Variants in LINGO2 observed in about 807,000 individuals in gnomAD.
LINGO2 encodes the protein leucine rich repeat and Ig domain containing 2.
Under a neutral mutation model 30.6 loss-of-function variants are expected in LINGO2, and 14 were observed. That is an observed-to-expected ratio of 0.46 (90% CI 0.30 to 0.72). LINGO2 has a LOEUF of 0.72. Among genes scored for constraint, LINGO2 ranks in the 30% least tolerant of loss-of-function variants. LINGO2 has a pLI of 0.07. For missense variants in LINGO2, 729 were observed against 751.7 expected, an observed-to-expected ratio of 0.97 and a Z score of 0.35; for synonymous variants, 317 against 288.5, an observed-to-expected ratio of 1.10 and a Z score of -1.00.
chr9:29,204,524 T>G, the LINGO2 span, among the ~76,000 whole-genome samples: 1 of 152,166 alleles, frequency 6.6e-6, no homozygotes, highest in African/African-American at 2.4e-5. Context: ...AATAAACACC[T>G]GAAGAATTAA....
chr9:28,491,458 A>T (rs1826391887), intron 1 of LINGO2, among the ~76,000 whole-genome samples: 1 of 152,216 alleles, frequency 6.6e-6, no homozygotes, highest in Admixed American at 6.5e-5. Context: ...GTTACCAAAT[A>T]GAGTAACATT....
chr9:27,977,891 A>C (rs1820679276), intron 5 of LINGO2, among the ~76,000 whole-genome samples: 1 of 152,020 alleles, frequency 6.6e-6, no homozygotes, highest in African/African-American at 2.4e-5. Context: ...ATATTAAACA[A>C]AGTGGTGAGG....
intron 2 of LINGO2, among the ~76,000 whole-genome samples, chr9:28,467,284 C>T (rs954866504): frequency 6.6e-6 from 1 of 152,080 alleles, no homozygotes; most frequent in African/African-American, 2.4e-5. Context: ...TCCTCGGCCT[C>T]CCAAAGTGCT....
intron 4 of LINGO2, among the ~76,000 whole-genome samples, chr9:28,117,257 A>AGTCT (rs1360591865): frequency 1.3e-5 from 2 of 151,684 alleles, no homozygotes; most frequent in Non-Finnish European, 2.9e-5. Context: ...TTGAGGAGGC[A>AGTCT]GTCTGCCCGT....
At chr9:28,834,491 G>A in the LINGO2 span, among the ~76,000 whole-genome samples, 30 of 152,016 alleles carry the variant, frequency 2.0e-4, no homozygotes, top group African/African-American at 7.3e-4. Context: ...AACTGACTTC[G>A]TGTTTGTAAA....
At chr9:28,764,191 G>T in the LINGO2 span, among the ~76,000 whole-genome samples, 1 of 151,012 alleles carries the variant, frequency 6.6e-6, no homozygotes, top group African/African-American at 2.4e-5. Context: ...GCATAATTCT[G>T]ATATCAAAGC....
chr9:28,018,704 G>T (rs998802008), intron 4 of LINGO2, among the ~76,000 whole-genome samples: 1 of 152,192 alleles, frequency 6.6e-6, no homozygotes, highest in Non-Finnish European at 1.5e-5. Flanking sequence ...ACAGATGAAG[G>T]CAAGGTTGAA....
the LINGO2 span, among the ~76,000 whole-genome samples, chr9:29,061,130 A>C: frequency 1.3e-5 from 2 of 151,986 alleles, no homozygotes; most frequent in African/African-American, 4.8e-5. Flanking sequence ...CTAGGAAAAA[A>C]ATTGGCACAT....
chr9:28,556,578 C>G (rs958509406), intron 1 of LINGO2, among the ~76,000 whole-genome samples: 1 of 151,998 alleles, frequency 6.6e-6, no homozygotes, highest in Non-Finnish European at 1.5e-5. Flanking sequence ...TGCCTAAGGT[C>G]ATTTACAGAT....
rs558642089 is a variant in LINGO2 at position 28,061,208 on chromosome 9, A to G, written c.-86-48803T>C. 1.4e-4 allele frequency among the ~76,000 whole-genome samples: 21 copies of G among 149,372 alleles called. 1 individual carries two copies. The South Asian group carries it at 4.5e-3, about 32-fold the overall frequency. On this transcript the variant is annotated intron_variant, in intron 4 of 5. Coordinates refer to ENST00000379992, the Ensembl canonical transcript of LINGO2. ...AACCTGGCATCTAGTATGTTTCTTA[A>G]TGAGTGAAGGAAATAATCTAAATCC...
At chr9:28,951,102 CCTGAT>C in the LINGO2 span, among the ~76,000 whole-genome samples, 51 of 152,154 alleles carry the variant, frequency 3.4e-4, no homozygotes, top group African/African-American at 1.2e-3. Flanking sequence ...TCTACAACCA[CCTGAT>C]CTTTGACAAA....
At chr9:28,982,045 A>G in the LINGO2 span, among the ~76,000 whole-genome samples, 1,065 of 152,222 alleles carry the variant, frequency 7.0e-3, 18 homozygotes, top group African/African-American at 0.024. Flanking sequence ...ATATATAAGT[A>G]TGATATGGTT....
chr9:28,122,513 A>G (rs1213181515), intron 4 of LINGO2, among the ~76,000 whole-genome samples: 1 of 152,224 alleles, frequency 6.6e-6, no homozygotes, highest in Non-Finnish European at 1.5e-5. Flanking sequence ...TAACCTGTCC[A>G]GAATCACACA....
At chr9:28,874,755 A>G in the LINGO2 span, among the ~76,000 whole-genome samples, 1 of 152,092 alleles carries the variant, frequency 6.6e-6, no homozygotes, top group African/African-American at 2.4e-5. Context: ...GAAATGCTTT[A>G]CTTTTATGGA....
the LINGO2 span, among the ~76,000 whole-genome samples, chr9:28,837,649 A>AATAAATATATATATAT: frequency 1.3e-5 from 1 of 75,794 alleles, no homozygotes; most frequent in Non-Finnish European, 2.5e-5. Context: ...CTCCGTCTAA[A>AATAAATATATATATAT]ATATATATAT....
chr9:28,652,805 A>T (rs1317837932), intron 1 of LINGO2, among the ~76,000 whole-genome samples: 1 of 152,014 alleles, frequency 6.6e-6, no homozygotes, highest in Non-Finnish European at 1.5e-5. Context: ...AAAATGGTTG[A>T]TTCATTTTTA....
At chr9:28,738,508 A>G in the LINGO2 span, among the ~76,000 whole-genome samples, 4 of 152,118 alleles carry the variant, frequency 2.6e-5, no homozygotes, top group African/African-American at 9.7e-5. Context: ...TCAAGCATTC[A>G]GAACCGTTTG....
chr9:28,977,409 C>T, the LINGO2 span, among the ~76,000 whole-genome samples: 1 of 151,982 alleles, frequency 6.6e-6, no homozygotes, highest in Admixed American at 6.6e-5. Flanking sequence ...ACCAGACAGA[C>T]TGTACTGATA....
intron 4 of LINGO2, among the ~76,000 whole-genome samples, chr9:28,203,139 G>A (rs1251482069): frequency 6.6e-6 from 1 of 152,262 alleles, no homozygotes; most frequent in Admixed American, 6.5e-5. Flanking sequence ...ATAGCAATAT[G>A]CAGTGAACTA....
Sources: allele counts gnomAD v4.1 joint callset (sites outside exome capture counted in the v4.1 genomes callset), GRCh38; gene constraint gnomAD v4.1.1; transcripts MANE v1.5; gene names NCBI Gene and HGNC (gene_info 2026-07-23, HGNC 2026-07-21).